Variants in GABRR3 observed in about 807,000 individuals in gnomAD.
GABRR3 encodes the protein gamma-aminobutyric acid receptor subunit rho-3.
A neutral mutation model predicts 43.2 loss-of-function variants in GABRR3; 29 were observed. The observed-to-expected ratio is 0.67, with a 90% confidence interval of 0.50 to 0.92. The LOEUF (loss-of-function observed/expected upper bound fraction) is 0.92. GABRR3 is among the 40% of genes least tolerant of loss of function. GABRR3 has a pLI of 0.00. For synonymous variants in GABRR3, 206 were observed against 195.9 expected (o/e 1.05, Z -0.43); for missense variants, 576 against 572.3 (o/e 1.01, Z -0.07).
intron 9 of GABRR3, among the ~76,000 whole-genome samples, chr3:97,989,669 T>C (rs999082654): frequency 5.6e-4 from 85 of 152,152 alleles, no homozygotes; most frequent in African/African-American, 2.0e-3. Flanking sequence ...GAGAAGAAAC[T>C]GGCACGTTTA....
chr3:98,025,684 T>C lies in GABRR3; in HGVS notation c.126-5A>G. On this transcript the variant is annotated splice_region_variant and splice_polypyrimidine_tract_variant and intron_variant, in intron 2 of 9. Coordinates refer to ENST00000621172, the Ensembl canonical transcript of GABRR3. ...TTCATTCTAGTTTCTTGTTTGCTGT[T>C]CCCCCAAAGGGAAAAAAAAAACTTC... The C allele has an allele frequency of 6.3e-7, 1 of 1,594,558 alleles. No homozygotes were observed. The highest frequency in any genetic ancestry group is 8.5e-7 in the Non-Finnish European group (1 of 1,170,794).
chr3:97,996,593 A>G lies in GABRR3; in HGVS notation c.908-3545T>C, dbSNP rs146383822. Among the ~76,000 whole-genome samples, 526 of 152,320 alleles carry G rather than the reference A, an allele frequency of 3.5e-3. 4 individuals carry two copies. Among genetic ancestry groups the G allele is most frequent in the African/African-American group, 0.012 (498 of 41,576 alleles). ...CTTAATTCATTCTGTAGAGAATGGC[A>G]TACCTCATGTAGAGGGATCAAGCAA... is the stretch of plus-strand genomic sequence containing the variant. On this transcript the variant is annotated intron_variant, in intron 8 of 9. Coordinates refer to ENST00000621172, the Ensembl canonical transcript of GABRR3.
chr3:97,992,139 G>C (rs1054655705), intron 9 of GABRR3, among the ~76,000 whole-genome samples: 1 of 152,112 alleles, frequency 6.6e-6, no homozygotes, highest in Admixed American at 6.5e-5. Context: ...ATTAAACAAT[G>C]TCACAAAAAA....
At chr3:98,020,870 C>CTTTT (rs59070712) in intron 3 of GABRR3, among the ~76,000 whole-genome samples, 7 of 117,410 alleles carry the variant, frequency 6.0e-5, no homozygotes, top group South Asian at 2.8e-4. Context: ...TTTTCTTTTT[C>CTTTT]TTTTTTTTTT....
chr3:98,017,011 G>A (rs1419501921), intron 4 of GABRR3, among the ~76,000 whole-genome samples: 1 of 152,202 alleles, frequency 6.6e-6, no homozygotes, highest in African/African-American at 2.4e-5. Context: ...CTAACAGGAA[G>A]CTTGAAGATA....
At chr3:98,001,999 A>G (rs893053766) in intron 7 of GABRR3, among the ~76,000 whole-genome samples, 2 of 152,160 alleles carry the variant, frequency 1.3e-5, no homozygotes, top group Non-Finnish European at 2.9e-5. Context: ...CCCGCAGTTC[A>G]GGGATGAATA....
chr3:97,996,640 A>G (rs900993302), intron 8 of GABRR3, among the ~76,000 whole-genome samples: 6 of 152,200 alleles, frequency 3.9e-5, no homozygotes, highest in Non-Finnish European at 8.8e-5. Flanking sequence ...GCAAAGAAAG[A>G]AGGAGGGAAG....
chr3:98,008,658 A>T (rs1358494207), intron 6 of GABRR3, among the ~76,000 whole-genome samples: 1 of 152,166 alleles, frequency 6.6e-6, no homozygotes, highest in East Asian at 1.9e-4. Context: ...TCTATGTAAC[A>T]ACAGTAGCAA....
At chr3:97,986,027 C>T (rs1042133630), downstream of GABRR3, among the ~76,000 whole-genome samples, 8 of 151,956 alleles carry the variant, frequency 5.3e-5, no homozygotes, top group African/African-American at 1.5e-4. Context: ...CCACCATGCC[C>T]GCTAATTTTT....
At chr3:98,005,626 C>T (rs1459439242) in intron 7 of GABRR3, among the ~76,000 whole-genome samples, 1 of 152,112 alleles carries the variant, frequency 6.6e-6, no homozygotes, top group East Asian at 1.9e-4. Flanking sequence ...AGTGTTGTAG[C>T]TGCCTGGTAG....
chr3:97,988,280 G>A (rs974039851), intron 9 of GABRR3, among the ~76,000 whole-genome samples: 5 of 152,038 alleles, frequency 3.3e-5, no homozygotes, highest in Non-Finnish European at 5.9e-5. Flanking sequence ...GTCCTGTTAT[G>A]TTGCTGAAGC....
intron 8 of GABRR3, chr3:98,001,154 C>T (rs1706635221): frequency 6.5e-6 from 1 of 153,220 alleles, no homozygotes; most frequent in Non-Finnish European, 1.5e-5. Context: ...TCAAGCATCC[C>T]TTCCACATTC....
At chr3:98,025,409 A>C (rs1706998042) in intron 3 of GABRR3, among the ~76,000 whole-genome samples, 158 bp downstream of exon 3, 1 of 152,228 alleles carries the variant, frequency 6.6e-6, no homozygotes, top group Non-Finnish European at 1.5e-5. Context: ...TGGATAACTC[A>C]TCAATTGTTC....
At chr3:97,994,656 A>G (rs1203136342) in intron 8 of GABRR3, among the ~76,000 whole-genome samples, 3 of 152,218 alleles carry the variant, frequency 2.0e-5, no homozygotes, top group African/African-American at 4.8e-5. Context: ...GTATAGCTGA[A>G]GCCAAGATTA....
At chr3:98,023,557 G>T (rs1417327786) in intron 3 of GABRR3, among the ~76,000 whole-genome samples, 4 of 152,168 alleles carry the variant, frequency 2.6e-5, no homozygotes, top group African/African-American at 9.7e-5. Flanking sequence ...CGTAGTAGTT[G>T]TAGAACCTAT....
At chr3:97,985,892 T>A (rs544757868), downstream of GABRR3, among the ~76,000 whole-genome samples, 6 of 151,944 alleles carry the variant, frequency 3.9e-5, no homozygotes, top group East Asian at 1.2e-3. Context: ...TTTGAGATGA[T>A]GTCTCGCTCT....
intron 3 of GABRR3, among the ~76,000 whole-genome samples, chr3:98,023,942 A>T (rs1706981208): frequency 6.6e-6 from 1 of 152,130 alleles, no homozygotes; most frequent in South Asian, 2.1e-4. Flanking sequence ...GGTTGGCCCC[A>T]CCCAGATCTA....
exon 7 of GABRR3, chr3:98,007,850 A>G: frequency 1.2e-6 from 2 of 1,610,244 alleles, no homozygotes; most frequent in Non-Finnish European, 1.7e-6. Context: ...TTCAGTATTT[A>G]AGGACTTGTT....
At chr3:98,009,875 C>T (rs1009261188) in intron 5 of GABRR3, among the ~76,000 whole-genome samples, 7 of 152,224 alleles carry the variant, frequency 4.6e-5, no homozygotes, top group Admixed American at 2.0e-4. Context: ...GCCAAGGATT[C>T]ATTTTGGTGT....
Sources: allele counts gnomAD v4.1 joint callset (sites outside exome capture counted in the v4.1 genomes callset), GRCh38; gene constraint gnomAD v4.1.1; transcripts MANE v1.5; gene names NCBI Gene and HGNC (gene_info 2026-07-23, HGNC 2026-07-21).